Variants in AGMO observed in about 807,000 individuals in gnomAD.
AGMO encodes alkylglycerol monooxygenase, also known as glyceryl-ether monooxygenase.
AGMO carries 75 observed loss-of-function variants against 60.2 expected under a neutral mutation model. The ratio of observed to expected loss-of-function variants is 1.25; its 90% CI spans 1.03 to 1.51. AGMO has a LOEUF of 1.51. AGMO is among the 40% of genes most tolerant of loss of function. AGMO has a pLI of 0.00. For synonymous variants in AGMO, 261 were observed against 177.1 expected, an observed-to-expected ratio of 1.47 and a Z score of -3.76; for missense variants, 763 against 525.5, an observed-to-expected ratio of 1.45 and a Z score of -4.42.
At chr7:15,462,326 AAGC>A (rs1782163990) in intron 3 of AGMO, among the ~76,000 whole-genome samples, 1 of 152,190 alleles carries the variant, frequency 6.6e-6, no homozygotes, top group South Asian at 2.1e-4. Context: ...AGACAGATTC[AAGC>A]TTAGAAAAAT....
chr7:15,388,222 C>T (rs913308510), intron 8 of AGMO, among the ~76,000 whole-genome samples: 4 of 152,094 alleles, frequency 2.6e-5, no homozygotes, highest in Admixed American at 1.3e-4. Flanking sequence ...TGAAGCAATT[C>T]AGAAATAATT....
intron 12 of AGMO, among the ~76,000 whole-genome samples, chr7:15,329,281 C>T (rs1781432932): frequency 6.6e-6 from 1 of 152,166 alleles, no homozygotes; most frequent in Non-Finnish European, 1.5e-5. Context: ...CACATAGTTG[C>T]TTCCCTTTTT....
At chr7:15,440,105 G>A (rs1338372657) in intron 3 of AGMO, among the ~76,000 whole-genome samples, 2 of 152,142 alleles carry the variant, frequency 1.3e-5, no homozygotes, top group South Asian at 2.1e-4. Flanking sequence ...ATGCTTGTGG[G>A]CTTCCCAAGC....
At chr7:15,152,036 T>C in the AGMO span, among the ~76,000 whole-genome samples, 4 of 152,146 alleles carry the variant, frequency 2.6e-5, no homozygotes, top group African/African-American at 9.7e-5. Context: ...TTCGTAGGTC[T>C]ATAAGAACTT....
At position 15,366,211 on chromosome 7, in the gene AGMO, T is replaced by A. The variant is rs781664924; in HGVS notation, c.1086A>T (p.Gln362His). 5.6e-6 allele frequency: 9 copies of A among 1,604,862 alleles called. No individual in the cohort carries two copies. The African/African-American group carries it at 1.1e-4, about 19-fold the overall frequency. ...ETFADTAALS[Q>H]VTLLLRVCFI... ...AGCAAACCCTCAGAAGGAGAGTAAC[T>A]TGCGACAGTGCCTGTCAAACAAACA... Residue 362 changes from glutamine (Q) to histidine (H), a missense_variant, in exon 11 of 13, where the codon CAA becomes CAT. By Grantham distance (24) the Gln-to-His change is conservative. Coordinates refer to ENST00000342526, the MANE Select transcript of AGMO (RefSeq NM_001004320.2).
intron 12 of AGMO, among the ~76,000 whole-genome samples, chr7:15,321,356 C>T (rs949865899): frequency 3.9e-5 from 6 of 152,266 alleles, no homozygotes; most frequent in South Asian, 2.1e-4. Context: ...TAATTCCAAA[C>T]ACTTCTGACA....
the AGMO span, among the ~76,000 whole-genome samples, chr7:15,132,459 A>G: frequency 6.6e-6 from 1 of 151,986 alleles, no homozygotes; most frequent in African/African-American, 2.4e-5. Context: ...GGTGTCTCTG[A>G]GGGGATGACA....
At chr7:15,320,145 G>A (rs1781064778) in intron 12 of AGMO, among the ~76,000 whole-genome samples, 15 of 151,892 alleles carry the variant, frequency 9.9e-5, no homozygotes, top group Admixed American at 9.9e-4. Flanking sequence ...ATAGCATTGG[G>A]AGATATACCT....
At chr7:15,344,287 C>CAAAAAGCT (rs1781957344) in intron 12 of AGMO, among the ~76,000 whole-genome samples, 1 of 152,098 alleles carries the variant, frequency 6.6e-6, no homozygotes, top group Admixed American at 6.6e-5. Flanking sequence ...GTCTTTTCTC[C>CAAAAAGCT]AAAAAGCTAA....
chr7:15,184,181 A>G, the AGMO span, among the ~76,000 whole-genome samples: 1 of 152,100 alleles, frequency 6.6e-6, no homozygotes, highest in South Asian at 2.1e-4. Flanking sequence ...TTAAAGCTTT[A>G]AAAGAAATTA....
At chr7:15,435,198 A>T (rs138014757) in intron 3 of AGMO, among the ~76,000 whole-genome samples, 46 of 152,208 alleles carry the variant, frequency 3.0e-4, no homozygotes, top group African/African-American at 1.1e-3. Context: ...TTTTCTGTGG[A>T]CATGAGTTTT....
At chr7:15,469,688 T>C (rs1782393975) in intron 3 of AGMO, among the ~76,000 whole-genome samples, 1 of 152,170 alleles carries the variant, frequency 6.6e-6, no homozygotes, top group South Asian at 2.1e-4. Flanking sequence ...AAAGTTAATG[T>C]TCTTTTGGGA....
At position 15,238,455 on chromosome 7, in the gene AGMO, T is replaced by G. The variant is rs983987004; in HGVS notation, c.1264-37096A>C. On this transcript the variant is annotated intron_variant, in intron 12 of 12. Transcript: ENST00000342526. ...ACACGAAGAAAATAAATATTTGAGTTGATAGATATCCCAAATATCCTGATT... is the reference window on the plus strand; with the variant it reads ...ACACGAAGAAAATAAATATTTGAGTGGATAGATATCCCAAATATCCTGATT... Among the ~76,000 whole-genome samples the G allele has an allele frequency of 2.6e-5, 4 of 151,984 alleles. No individual in the cohort carries two copies. In the East Asian group the frequency reaches 7.7e-4, roughly 29 times the overall value.
chr7:15,267,997 C>T (rs1201376561), intron 12 of AGMO, among the ~76,000 whole-genome samples: 2 of 151,786 alleles, frequency 1.3e-5, no homozygotes, highest in Admixed American at 1.3e-4. Flanking sequence ...TGTTACCAAA[C>T]ATTTAGTGAA....
chr7:15,559,874 G>C (rs767925436), intron 2 of AGMO, among the ~76,000 whole-genome samples: 2 of 151,976 alleles, frequency 1.3e-5, no homozygotes, highest in Non-Finnish European at 2.9e-5. Context: ...CCATAACTCA[G>C]AGTTGGAACC....
intron 12 of AGMO, among the ~76,000 whole-genome samples, chr7:15,211,736 T>C (rs1781597930): frequency 6.6e-6 from 1 of 152,076 alleles, no homozygotes; most frequent in Non-Finnish European, 1.5e-5. Flanking sequence ...CCCACTCATA[T>C]ATAAAACTAT....
At chr7:15,322,537 T>A (rs1325689045) in intron 12 of AGMO, among the ~76,000 whole-genome samples, 45 of 46,392 alleles carry the variant, frequency 9.7e-4, no homozygotes, top group African/African-American at 2.8e-3. Context: ...AATATATAAA[T>A]ATATATATAA....
At chr7:15,244,776 C>A (rs1044413606) in intron 12 of AGMO, among the ~76,000 whole-genome samples, 7 of 152,008 alleles carry the variant, frequency 4.6e-5, no homozygotes, top group Admixed American at 4.6e-4. Context: ...CTCAGCCTCC[C>A]GAGTGGCTGG....
At chr7:15,261,006 C>T (rs930211061) in intron 12 of AGMO, among the ~76,000 whole-genome samples, 5 of 152,116 alleles carry the variant, frequency 3.3e-5, no homozygotes, top group African/African-American at 1.2e-4. Flanking sequence ...CTCTGGGATA[C>T]AGCAAAAGCA....
Sources: allele counts gnomAD v4.1 joint callset (sites outside exome capture counted in the v4.1 genomes callset), GRCh38; gene constraint gnomAD v4.1.1; transcripts MANE v1.5; gene names NCBI Gene and HGNC (gene_info 2026-07-23, HGNC 2026-07-21).